The following NAA25 variants were observed in gnomAD, a reference collection of about 807,000 sequenced individuals.
NAA25 encodes the protein N-terminal acetyltransferase B complex subunit NAA25.
A neutral mutation model predicts 132.5 loss-of-function variants in NAA25; 30 were observed. The observed-to-expected ratio is 0.23, with a 90% CI of 0.17 to 0.31. The LOEUF (loss-of-function observed/expected upper bound fraction) is 0.31. Ranked by LOEUF, NAA25 falls within the 10% of genes least tolerant of loss-of-function variation. The pLI is 1.00. For synonymous variants in NAA25, 359 were observed against 401.9 expected (o/e 0.89, Z 1.28); for missense variants, 771 against 1,150.4 (o/e 0.67, Z 4.77).
chr12:112,087,634 G>T, intron 4 of NAA25, 49 bp downstream of exon 4: 1 of 1,269,098 alleles, frequency 7.9e-7, no homozygotes, highest in Non-Finnish European at 1.1e-6. Flanking sequence ...AGAGACTTTT[G>T]CCTCTAATAG....
At position 112,102,122 on chromosome 12, in the gene NAA25, C is replaced by T. The variant is rs547213042; in HGVS notation, c.58+6594G>A. On this transcript the variant is annotated intron_variant, in intron 1 of 23. Transcript: ENST00000261745. ...GGACTCAAGTGATCCACCCAGGAGG[C>T]GGAGGTTGCAGCAAGCTGAGATCGC... Among the ~76,000 whole-genome samples, 5 of 152,008 alleles carry T rather than the reference C, an allele frequency of 3.3e-5. No homozygotes were observed. In the South Asian group the frequency reaches 1.0e-3, roughly 32 times the overall value.
At chr12:112,059,707 A>AT (rs891231829) in intron 13 of NAA25, among the ~76,000 whole-genome samples, 2 of 151,922 alleles carry the variant, frequency 1.3e-5, no homozygotes, top group African/African-American at 4.8e-5. Flanking sequence ...TTGTCATAGT[A>AT]TTTTTTTATA....
rs755378407 is a variant in NAA25 at position 112,054,514 on chromosome 12, T to G, written c.1502A>C (p.His501Pro). The G allele has an allele frequency of 1.2e-6, 2 of 1,614,172 alleles. No homozygotes were observed. Among genetic ancestry groups the G allele is most frequent in the Non-Finnish European group, 1.7e-6 (2 of 1,180,030 alleles). ...TTTGAACTGAGCATTGGAAGGGCTA[T>G]GGGTTAATCCCTCTTCCAGCAAAGT... Reference protein sequence around the residue: ...ALTLLEEGLTHSPSNAQFKLL... With the variant: ...ALTLLEEGLTPSPSNAQFKLL... The change falls in exon 14 of 24, where the codon CAT becomes CCT. Residue 501 changes from histidine (H) to proline (P), a missense_variant. By Grantham distance (77) the His-to-Pro change is moderately conservative (BLOSUM62 -2). This residue lies in a region of NAA25 where 417 missense variants were observed against 733.8 expected (regional missense o/e 0.57). Coordinates refer to ENST00000261745, the MANE Select transcript of NAA25 (RefSeq NM_024953.4).
rs1445359580 is a variant in NAA25 at position 112,028,279 on chromosome 12, C to G, written c.*1252G>C. The G allele has an allele frequency of 6.6e-6, 1 of 152,406 alleles. No individual in the cohort carries two copies. The highest frequency in any genetic ancestry group is 1.5e-5 in the Non-Finnish European group (1 of 68,022). The allele number at this position is 152,406 out of a possible 1,614,324, so 9.4% of individuals were successfully genotyped here. A position where few individuals can be genotyped will look rare whatever the true frequency, so the allele number is the denominator to read the frequency against. On this transcript the variant is annotated 3_prime_UTR_variant, in exon 24 of 24. Coordinates refer to ENST00000261745, the MANE Select transcript of NAA25 (RefSeq NM_024953.4). ...TTAAACTTGAACTATATTTAGGTAA[C>G]AGACCAAAAACAGAAGCAGGGATTT...
chr12:112,089,637 G>C (rs903480703), intron 3 of NAA25, among the ~76,000 whole-genome samples: 7 of 152,066 alleles, frequency 4.6e-5, no homozygotes, highest in Non-Finnish European at 1.0e-4. Context: ...TTAAAGGGAA[G>C]CAAGAGAATA....
chr12:112,093,823 T>C (rs571187735), intron 1 of NAA25, among the ~76,000 whole-genome samples: 18 of 151,068 alleles, frequency 1.2e-4, no homozygotes, highest in Admixed American at 3.3e-4. Context: ...GAGGCTACAG[T>C]GTGAGCCACG....
chr12:112,087,267 G>T (rs2079070688), intron 4 of NAA25, among the ~76,000 whole-genome samples: 1 of 152,092 alleles, frequency 6.6e-6, no homozygotes, highest in African/African-American at 2.4e-5. Context: ...CCCCCTGGTG[G>T]ACTTAAAAAT....
chr12:112,040,426 A>G, intron 21 of NAA25, 55 bp downstream of exon 21: 1 of 1,080,116 alleles, frequency 9.3e-7, no homozygotes, highest in African/African-American at 1.6e-5. Context: ...TGAAAAATGA[A>G]TCCTGTAGAC....
chr12:112,094,784 C>T (rs1443983680), intron 1 of NAA25, among the ~76,000 whole-genome samples: 2 of 152,088 alleles, frequency 1.3e-5, no homozygotes, highest in African/African-American at 4.8e-5. Context: ...CTCAGCCTCC[C>T]GAGTAGCTGG....
In NAA25 at chr12:112,040,540, T is replaced by G. The variant is rs955921102; in HGVS notation, c.2479A>C (p.Lys827Gln). 6.2e-7 allele frequency: 1 copy of G among 1,605,142 alleles called. No individual in the cohort carries two copies. Among genetic ancestry groups the G allele is most frequent in the Non-Finnish European group, 8.5e-7 (1 of 1,174,804 alleles). Reference protein sequence around the residue: ...SKCKGDLLEVKDGNLKTHPTL... With the variant: ...SKCKGDLLEVQDGNLKTHPTL... ...GGATGTGTTTTCAAGTTACCATCTTTAACTTCTAAGAGGTCACCTTTACAT... is the reference window on the plus strand; with the variant it reads ...GGATGTGTTTTCAAGTTACCATCTTGAACTTCTAAGAGGTCACCTTTACAT... Residue 827 changes from lysine to glutamine, a missense_variant, in exon 21 of 24, where the codon AAA (lysine) becomes CAA (glutamine). Lys to Gln is a moderately conservative substitution (Grantham distance 53). Coordinates refer to ENST00000261745, the MANE Select transcript of NAA25 (RefSeq NM_024953.4).
chr12:112,105,638 G>C (rs1435999221), intron 1 of NAA25, among the ~76,000 whole-genome samples: 1 of 152,148 alleles, frequency 6.6e-6, no homozygotes, highest in Non-Finnish European at 1.5e-5. Context: ...ATTCCAGCAA[G>C]AGCTGAGGCC....
intron 9 of NAA25, among the ~76,000 whole-genome samples, chr12:112,073,085 T>C (rs2078838794): frequency 1.3e-5 from 2 of 151,132 alleles, no homozygotes; most frequent in Admixed American, 1.3e-4. Flanking sequence ...AATACAAAAA[T>C]TAGCCAGGCG....
intron 22 of NAA25, among the ~76,000 whole-genome samples, chr12:112,036,614 C>T (rs1037927049): frequency 4.0e-5 from 6 of 151,860 alleles, no homozygotes; most frequent in African/African-American, 1.5e-4. Context: ...TTTGAGAGGC[C>T]GAGGCAGGTG....
At chr12:112,048,964 G>A (rs976478796) in intron 15 of NAA25, among the ~76,000 whole-genome samples, 2 of 151,860 alleles carry the variant, frequency 1.3e-5, no homozygotes, top group African/African-American at 4.8e-5. Context: ...GAAACACAGG[G>A]CATATGAGCA....
At chr12:112,085,991 T>C (rs2136918092) in intron 4 of NAA25, among the ~76,000 whole-genome samples, 1 of 107,074 alleles carries the variant, frequency 9.3e-6, no homozygotes, top group East Asian at 3.4e-4. Context: ...GATTCCACCC[T>C]GGGTGACAGA....
rs1243184799 is a variant in NAA25 at position 112,090,723 on chromosome 12, T to C, written c.283+3A>G. ...TAAAAACAATGAAAAGAAAGAAACA[T>C]ACGTCGGTGCATCTCCCGGTAAAGG... On this transcript the variant is annotated splice_donor_region_variant and intron_variant, in intron 3 of 23. Transcript: ENST00000261745. 1 of 1,604,368 alleles carries C rather than the reference T, an allele frequency of 6.2e-7. No individual in the cohort carries two copies. The highest frequency in any genetic ancestry group is 8.5e-7 in the Non-Finnish European group (1 of 1,177,606).
At chr12:112,070,569 T>C (rs2078790377) in intron 10 of NAA25, among the ~76,000 whole-genome samples, 1 of 152,214 alleles carries the variant, frequency 6.6e-6, no homozygotes, top group Non-Finnish European at 1.5e-5. Context: ...TTTTTATTTT[T>C]TTTTAATTTT....
chr12:112,079,494 C>A (rs2078939478), intron 5 of NAA25, among the ~76,000 whole-genome samples: 1 of 151,732 alleles, frequency 6.6e-6, no homozygotes, highest in Non-Finnish European at 1.5e-5. Context: ...ACTTGGGAGG[C>A]TGAGACATGA....
Position 112,040,498 on chromosome 12 carries a change from G to C in NAA25, c.2521C>G (p.Leu841Val), listed in dbSNP as rs778642073. The C allele has an allele frequency of 4.4e-6, 7 of 1,589,158 alleles. No individual in the cohort carries two copies. Among genetic ancestry groups the C allele is most frequent in the Non-Finnish European group, 6.0e-6 (7 of 1,160,834 alleles). ...AAACTTACCTCAACAAAGAAAACTA[G>C]ATTTTCTAAAAGAGTAGGATGTGTT... is the stretch of plus-strand genomic sequence containing the variant. ...LKTHPTLLEN[L>V]VFFVETISVI... Residue 841 changes from leucine to valine, a missense_variant, in exon 21 of 24, where the codon CTA becomes GTA. By Grantham distance (32) the Leu-to-Val change is conservative. Around this residue, in one of 3 missense-constraint regions of NAA25, gnomAD observed 324 missense variants for 400.0 expected, o/e 0.81. Coordinates refer to ENST00000261745, the MANE Select transcript of NAA25 (RefSeq NM_024953.4).
Sources: allele counts gnomAD v4.1 joint callset (sites outside exome capture counted in the v4.1 genomes callset), GRCh38; gene constraint gnomAD v4.1.1; regional missense constraint gnomAD v4.1.1; transcripts MANE v1.5; gene names NCBI Gene and HGNC (gene_info 2026-07-23, HGNC 2026-07-21).